ACE: variants seen among roughly 807,000 people sequenced by gnomAD.
The protein encoded by ACE is angiotensin-converting enzyme.
A neutral mutation model predicts 162.3 loss-of-function variants in ACE; 122 were observed. The observed-to-expected ratio is 0.75, with a 90% CI of 0.65 to 0.87. The LOEUF (loss-of-function observed/expected upper bound fraction) is 0.87, where lower values mean the gene tolerates loss of function less well. Among genes scored for constraint, ACE ranks in the 40% least tolerant of loss-of-function variants. The pLI is 0.00. For missense variants in ACE, 1,799 were observed against 1,735.1 expected (o/e 1.04, Z -0.65); for synonymous variants, 796 against 720.6 (o/e 1.10, Z -1.68).
rs4301 is a variant in ACE at position 63,480,311 on chromosome 17, T to C, written c.656-26T>C. ...TGAGGTCCGAGCCTTTGGCCTGAGC[T>C]ACATACCTCACCCCCACGCCCCCAG... On this transcript the variant is annotated intron_variant, in intron 4 of 24. Transcript: ENST00000290866. 395 of 1,612,534 alleles carry C rather than the reference T, an allele frequency of 2.4e-4. No individual in the cohort carries two copies. The African/African-American group carries it at 4.8e-3, about 19-fold the overall frequency.
Position 63,491,768 on chromosome 17 carries a change from C to G in ACE, c.2912+387C>G, listed in dbSNP as rs115565956. On this transcript the variant is annotated intron_variant, in intron 19 of 24. Transcript: ENST00000290866. This position sits in a 1 kb window ranked among gnomAD's most constrained non-coding sequence, Gnocchi z 4.4. ...GTTGGGTGCTCTGTACAGATCCACT[C>G]TCACCCCTGACAGGCTCAGAAGCTG... is the stretch of plus-strand genomic sequence containing the variant. Among the ~76,000 whole-genome samples, 607 of 152,320 alleles carry G rather than the reference C, an allele frequency of 4.0e-3. 2 individuals carry two copies. The highest frequency in any genetic ancestry group is 0.014 in the African/African-American group (579 of 41,574).
chr17:63,482,878 C>A, intron 8 of ACE, 151 bp from the exon 9 acceptor site: 1 of 1,089,772 alleles, frequency 9.2e-7, no homozygotes, highest in Non-Finnish European at 1.4e-6. Flanking sequence ...TGGGGGTCCT[C>A]TTCCAAGCAG....
Position 63,480,424 on chromosome 17 carries a change from A to C in ACE, c.743A>C (p.Glu248Ala). 2 of 1,614,114 alleles carry C rather than the reference A, an allele frequency of 1.2e-6. No individual in the cohort carries two copies. Among genetic ancestry groups the C allele is most frequent in the South Asian group, 2.2e-5 (2 of 91,084 alleles). Reference protein sequence around the residue: ...DDLEHLYQQLEPLYLNLHAFV... With the variant: ...DDLEHLYQQLAPLYLNLHAFV... ...CTGGAACACCTCTACCAACAGCTAG[A>C]GCCCCTCTACCTGAACCTCCATGCC... Residue 248 changes from glutamate to alanine, a missense_variant, in exon 5 of 25, where the codon GAG becomes GCG. Transcript: ENST00000290866.
intron 4 of ACE, 86 bp from the exon 5 acceptor site, chr17:63,480,251 G>A (rs939181093): frequency 1.3e-5 from 19 of 1,449,068 alleles, no homozygotes; most frequent in Non-Finnish European, 1.7e-5. Flanking sequence ...CACGGGCCTC[G>A]AGCCAGTGGA....
intron 5 of ACE, among the ~76,000 whole-genome samples, 189 bp from the exon 6 acceptor site, chr17:63,480,902 C>A (rs2049696459): frequency 3.9e-5 from 6 of 152,178 alleles, no homozygotes; most frequent in Admixed American, 3.9e-4. Flanking sequence ...ATCTTGCAGC[C>A]CCAGGACATG....
chr17:63,493,666 G>A lies in ACE; in HGVS notation c.3136+7G>A, dbSNP rs911453587. 6.2e-7 allele frequency: 1 copy of A among 1,613,660 alleles called. No homozygotes were observed. The highest frequency in any genetic ancestry group is 1.3e-5 in the African/African-American group (1 of 74,942). ...AGTGAGGGTGGCAGCGACGGTGAGAGAGAAGCGGGAGGCCCTGGTGGGCTG... is the reference window on the plus strand; with the variant it reads ...AGTGAGGGTGGCAGCGACGGTGAGAAAGAAGCGGGAGGCCCTGGTGGGCTG... On this transcript the variant is annotated splice_region_variant and intron_variant, in intron 20 of 24. Coordinates refer to ENST00000290866, the MANE Select transcript of ACE (RefSeq NM_000789.4).
chr17:63,489,029 G>C lies in ACE; in HGVS notation c.2538G>C (p.Gln846His), dbSNP rs990108624. 1.9e-6 allele frequency: 3 copies of C among 1,614,056 alleles called. No individual in the cohort carries two copies. The African/African-American group carries it at 4.0e-5, about 22-fold the overall frequency. The change falls in exon 17 of 25, where the codon CAG (glutamine) becomes CAC (histidine). Residue 846 changes from glutamine (Q) to histidine (H), a missense_variant. Gln to His is a conservative substitution (Grantham distance 24). Coordinates refer to ENST00000290866, the MANE Select transcript of ACE (RefSeq NM_000789.4). ...TGGAGCGGCTCTTCCAGGAGCTGCA[G>C]CCACTCTACCTCAACCTGCATGCCT... Reference protein sequence around the residue: ...QDLERLFQELQPLYLNLHAYV... With the variant: ...QDLERLFQELHPLYLNLHAYV...
chr17:63,478,247 T>C (rs1247739040), intron 2 of ACE, 149 bp downstream of exon 2: 52 of 1,004,720 alleles, frequency 5.2e-5, no homozygotes, highest in Non-Finnish European at 7.1e-5. Flanking sequence ...ACAGAATGGC[T>C]TTCTGAGCAT....
intron 10 of ACE, 50 bp downstream of exon 10, chr17:63,483,608 C>A: frequency 7.5e-7 from 1 of 1,333,264 alleles, no homozygotes; most frequent in Non-Finnish European, 1.0e-6. Flanking sequence ...CACCCTCAAT[C>A]CACTTCTCCT....
Position 63,494,400 on chromosome 17 carries a change from G to T in ACE, c.3310G>T (p.Val1104Leu). The T allele has an allele frequency of 8.1e-6, 13 of 1,614,136 alleles. No individual in the cohort carries two copies. Among genetic ancestry groups the T allele is most frequent in the Non-Finnish European group, 1.1e-5 (13 of 1,180,026 alleles). The change falls in exon 22 of 25, where the codon GTG becomes TTG. Residue 1104 changes from valine to leucine, a missense_variant. Transcript: ENST00000290866. ...RLKYQGLCPP[V>L]PRTQGDFDPG... is the part of the protein sequence containing the mutation. The stretch of plus-strand genomic sequence containing the variant: ...GAAGTACCAGGGCCTCTGCCCCCCA[G>T]TGCCCAGGACTCAAGGTGACTTTGA...
chr17:63,482,803 G>T, intron 8 of ACE, 114 bp downstream of exon 8: 1 of 1,236,976 alleles, frequency 8.1e-7, no homozygotes, highest in Non-Finnish European at 1.2e-6. Flanking sequence ...CCCGGCCCCA[G>T]GTCAGGCAGG....
chr17:63,489,252 G>T (rs1270043288), intron 17 of ACE, 120 bp downstream of exon 17: 4 of 1,285,790 alleles, frequency 3.1e-6, no homozygotes, highest in Non-Finnish European at 3.2e-6. Flanking sequence ...CCAGCCCTGT[G>T]GGGGATGGTT....
intron 12 of ACE, 91 bp from the exon 13 acceptor site, chr17:63,485,145 G>C (rs752621162): frequency 5.6e-6 from 9 of 1,594,468 alleles, no homozygotes; most frequent in Non-Finnish European, 7.7e-6. Flanking sequence ...GGGTACAAGG[G>C]AGTGCGAGAG....
At chr17:63,477,861 G>A (rs932769473) in intron 1 of ACE, 70 bp from the exon 2 acceptor site, 7 of 1,546,136 alleles carry the variant, frequency 4.5e-6, no homozygotes, top group African/African-American at 1.4e-5. Context: ...CCCCAGCACC[G>A]TGGCTTCTCC....
In ACE at chr17:63,482,506, A is replaced by G. The variant is rs1347736201; in HGVS notation, c.1159A>G (p.Thr387Ala). ...CTRVTMDQLS[T>A]VHHEMGHIQY... is the part of the protein sequence containing the mutation. ...ACGGGTCACGATGGACCAGCTCTCC[A>G]CAGTGCACCATGAGATGGGCCATAT... The change falls in exon 8 of 25, where the codon ACA (threonine) becomes GCA (alanine). Residue 387 changes from threonine (T) to alanine (A), a missense_variant. Physicochemically the swap from Thr to Ala is moderately conservative, Grantham distance 58. Transcript: ENST00000290866. The G allele has an allele frequency of 1.9e-6, 3 of 1,613,784 alleles. No individual in the cohort carries two copies. The highest frequency in any genetic ancestry group is 2.5e-6 in the Non-Finnish European group (3 of 1,179,962).
chr17:63,496,621 G>T (rs763424572), intron 23 of ACE, 105 bp downstream of exon 23: 130 of 1,604,068 alleles, frequency 8.1e-5, no homozygotes, highest in Non-Finnish European at 1.0e-4. Context: ...GCCATTTTGA[G>T]CCGGGAACTC....
At position 63,480,426 on chromosome 17, in the gene ACE, C is replaced by T; in HGVS notation, c.745C>T (p.Pro249Ser). The T allele has an allele frequency of 6.2e-7, 1 of 1,614,144 alleles. No homozygotes were observed. Among genetic ancestry groups the T allele is most frequent in the Non-Finnish European group, 8.5e-7 (1 of 1,180,026 alleles). Reference protein sequence around the residue: ...DLEHLYQQLEPLYLNLHAFVR... With the variant: ...DLEHLYQQLESLYLNLHAFVR... Reference sequence around the variant, plus strand: ...GGAACACCTCTACCAACAGCTAGAGCCCCTCTACCTGAACCTCCATGCCTT... The same window carrying T: ...GGAACACCTCTACCAACAGCTAGAGTCCCTCTACCTGAACCTCCATGCCTT... Residue 249 changes from proline (P) to serine (S), a missense_variant, in exon 5 of 25, where the codon CCC (proline) becomes TCC (serine). Coordinates refer to ENST00000290866, the MANE Select transcript of ACE (RefSeq NM_000789.4).
chr17:63,483,811 C>T (rs200868732), intron 10 of ACE, 38 bp from the exon 11 acceptor site: 363 of 1,613,550 alleles, frequency 2.2e-4, no homozygotes, highest in Non-Finnish European at 2.7e-4. Flanking sequence ...GTTCCTGGCC[C>T]CCCATGATCT....
chr17:63,487,025 G>T lies in ACE; in HGVS notation c.2257G>T (p.Val753Leu). 1 of 1,613,850 alleles carries T rather than the reference G, an allele frequency of 6.2e-7. No homozygotes were observed. Among genetic ancestry groups the T allele is most frequent in the South Asian group, 1.1e-5 (1 of 91,084 alleles). Residue 753 changes from valine to leucine, a missense_variant, in exon 15 of 25, where the codon GTG (valine) becomes TTG (leucine). Coordinates refer to ENST00000290866, the MANE Select transcript of ACE (RefSeq NM_000789.4). ...ILLDMETTYS[V>L]ATVCHPNGSC... is the part of the protein sequence containing the mutation. ...GTTGGATATGGAAACCACCTACAGCGTGGCCACTGTGTGCCACCCGAATGG... is the reference window on the plus strand; with the variant it reads ...GTTGGATATGGAAACCACCTACAGCTTGGCCACTGTGTGCCACCCGAATGG...
Sources: allele counts gnomAD v4.1 joint callset (sites outside exome capture counted in the v4.1 genomes callset), GRCh38; gene constraint gnomAD v4.1.1; non-coding constraint Gnocchi (gnomAD v3.1); transcripts MANE v1.5; gene names NCBI Gene and HGNC (gene_info 2026-07-23, HGNC 2026-07-21).